CAMK4: variants seen among roughly 807,000 people sequenced by gnomAD.
The protein encoded by CAMK4 is calcium/calmodulin-dependent protein kinase type IV.
Under a neutral mutation model 44.9 loss-of-function variants are expected in CAMK4, and 22 were observed. That is an observed-to-expected ratio of 0.49 (90% CI 0.35 to 0.70). The LOEUF (loss-of-function observed/expected upper bound fraction) is 0.70, where lower values mean the gene tolerates loss of function less well. Ranked by LOEUF, CAMK4 falls within the 30% of genes least tolerant of loss-of-function variation. CAMK4 has a pLI of 0.01. For missense variants in CAMK4, 498 were observed against 586.8 expected (o/e 0.85, Z 1.56); for synonymous variants, 218 against 215.4 (o/e 1.01, Z -0.11).
In CAMK4 at chr5:111,459,128, C is replaced by T. The variant is rs141774319; in HGVS notation, c.625+9925C>T. On this transcript the variant is annotated intron_variant, in intron 7 of 10. Coordinates refer to ENST00000282356, the MANE Select transcript of CAMK4 (RefSeq NM_001744.6). The stretch of plus-strand genomic sequence containing the variant: ...ACGGTATTTCAAGTCATGAGACTAT[C>T]AGGCATCCCCAAGGCAGAAAAGGAG... Among the ~76,000 whole-genome samples, 4 of 152,244 alleles carry T rather than the reference C, an allele frequency of 2.6e-5. No homozygotes were observed. In the East Asian group the frequency reaches 5.8e-4, roughly 22 times the overall value.
chr5:111,301,887 G>A (rs1747735450), intron 1 of CAMK4, among the ~76,000 whole-genome samples: 1 of 152,138 alleles, frequency 6.6e-6, no homozygotes, highest in African/African-American at 2.4e-5. Flanking sequence ...CAGTTCACTT[G>A]CAAGATGATT....
intron 1 of CAMK4, among the ~76,000 whole-genome samples, chr5:111,309,830 A>G (rs1178601045): frequency 6.6e-6 from 1 of 152,208 alleles, no homozygotes; most frequent in Non-Finnish European, 1.5e-5. Flanking sequence ...AATTCATTCC[A>G]TCTTTAGGAC....
At chr5:111,367,189 T>C (rs1422640044) in intron 2 of CAMK4, among the ~76,000 whole-genome samples, 2 of 150,242 alleles carry the variant, frequency 1.3e-5, no homozygotes, top group Admixed American at 1.3e-4. Flanking sequence ...ATTTGACTCA[T>C]AGTTCTGGAA....
chr5:111,226,377 G>A (rs1166526164), intron 1 of CAMK4, among the ~76,000 whole-genome samples: 3 of 152,170 alleles, frequency 2.0e-5, no homozygotes, highest in South Asian at 2.1e-4. Context: ...TCAGAATTAC[G>A]TGTTGCAGTA....
intron 5 of CAMK4, among the ~76,000 whole-genome samples, chr5:111,434,912 T>G (rs1372174944): frequency 2.0e-5 from 3 of 152,210 alleles, no homozygotes; most frequent in East Asian, 1.9e-4. Flanking sequence ...TTTAAAGAGA[T>G]TCAAACTTCC....
intron 5 of CAMK4, among the ~76,000 whole-genome samples, chr5:111,444,308 G>A (rs1433767849): frequency 6.6e-6 from 1 of 152,174 alleles, no homozygotes; most frequent in Non-Finnish European, 1.5e-5. Flanking sequence ...GGTTAGAGCT[G>A]TTGTGAAGAT....
chr5:111,431,361 C>A (rs1189082402), intron 5 of CAMK4, among the ~76,000 whole-genome samples: 4 of 151,990 alleles, frequency 2.6e-5, no homozygotes, highest in African/African-American at 4.8e-5. Context: ...AAAATTAAAT[C>A]AAAAAGGATT....
At chr5:111,450,979 A>G (rs1469645960) in intron 7 of CAMK4, among the ~76,000 whole-genome samples, 2 of 152,200 alleles carry the variant, frequency 1.3e-5, no homozygotes, top group African/African-American at 4.8e-5. Flanking sequence ...GAAGTACTAC[A>G]AAACTAACTC....
chr5:111,308,455 T>C (rs910135117), intron 1 of CAMK4, among the ~76,000 whole-genome samples: 3 of 152,212 alleles, frequency 2.0e-5, no homozygotes, highest in Non-Finnish European at 4.4e-5. Context: ...GTGTTTCCTT[T>C]AAAAACATTA....
At chr5:111,326,265 G>A (rs1038040777) in intron 1 of CAMK4, among the ~76,000 whole-genome samples, 2 of 151,772 alleles carry the variant, frequency 1.3e-5, no homozygotes, top group Admixed American at 6.6e-5. Context: ...AGGGATAAAA[G>A]GGAATATCTC....
chr5:111,287,765 A>G (rs188415567), intron 1 of CAMK4, among the ~76,000 whole-genome samples: 1 of 152,302 alleles, frequency 6.6e-6, no homozygotes, highest in Non-Finnish European at 1.5e-5. Flanking sequence ...GTCTCATGAA[A>G]AGCAAATTAA....
intron 5 of CAMK4, among the ~76,000 whole-genome samples, chr5:111,424,535 C>T (rs903509882): frequency 4.1e-5 from 6 of 145,836 alleles, no homozygotes; most frequent in Non-Finnish European, 8.9e-5. Flanking sequence ...AGCTCCGCCT[C>T]CTGAGTTCAC....
intron 1 of CAMK4, among the ~76,000 whole-genome samples, chr5:111,283,254 T>G (rs1024601515): frequency 1.3e-5 from 2 of 152,214 alleles, no homozygotes; most frequent in Non-Finnish European, 2.9e-5. Context: ...GACACCCTTA[T>G]TGGAAGCTCT....
At chr5:111,433,683 T>C (rs1415833947) in intron 5 of CAMK4, among the ~76,000 whole-genome samples, 5 of 152,104 alleles carry the variant, frequency 3.3e-5, no homozygotes, top group Non-Finnish European at 7.4e-5. Flanking sequence ...AAAATACATT[T>C]TTAAAAAATC....
chr5:111,313,153 A>G (rs1229730917), intron 1 of CAMK4, among the ~76,000 whole-genome samples: 1 of 152,048 alleles, frequency 6.6e-6, no homozygotes, highest in Non-Finnish European at 1.5e-5. Context: ...TTTGCTCTGC[A>G]GGAGAGGGGG....
At chr5:111,441,026 C>T (rs899637630) in intron 5 of CAMK4, among the ~76,000 whole-genome samples, 5 of 152,126 alleles carry the variant, frequency 3.3e-5, no homozygotes, top group East Asian at 1.9e-4. Flanking sequence ...ATGAGAAAAC[C>T]GAGGCTTAGA....
chr5:111,312,052 G>A (rs577946523), intron 1 of CAMK4, among the ~76,000 whole-genome samples: 25 of 152,136 alleles, frequency 1.6e-4, no homozygotes, highest in African/African-American at 6.0e-4. Context: ...TTTCTTTGAA[G>A]GAAAGCAAAT....
chr5:111,293,742 C>CT (rs35117453), intron 1 of CAMK4, among the ~76,000 whole-genome samples: 35,245 of 83,566 alleles, frequency 0.42, 10,536 homozygotes, highest in African/African-American at 0.61. Context: ...TGCTGCTCTA[C>CT]TTTTTTTTTT....
intron 1 of CAMK4, among the ~76,000 whole-genome samples, chr5:111,237,861 AT>A (rs1290026771): frequency 1.3e-5 from 2 of 152,192 alleles, no homozygotes; most frequent in African/African-American, 4.8e-5. Flanking sequence ...GTCTATCTAT[AT>A]TTGGGGATAT....
Sources: allele counts gnomAD v4.1 joint callset (sites outside exome capture counted in the v4.1 genomes callset), GRCh38; gene constraint gnomAD v4.1.1; transcripts MANE v1.5; gene names NCBI Gene and HGNC (gene_info 2026-07-23, HGNC 2026-07-21).